The following CDKL5 variants were observed in gnomAD, a reference collection of about 807,000 sequenced individuals.
CDKL5 encodes cyclin dependent kinase like 5.
CDKL5 carries 8 observed loss-of-function variants against 61.7 expected under a neutral mutation model. The ratio of observed to expected loss-of-function variants is 0.13; its 90% confidence interval spans 0.08 to 0.23. The LOEUF (loss-of-function observed/expected upper bound fraction) is 0.23. Among genes scored for constraint, CDKL5 ranks in the 10% least tolerant of loss-of-function variants. The pLI is 1.00. For missense variants in CDKL5, 440 were observed against 734.5 expected (o/e 0.60, Z 4.63); for synonymous variants, 275 against 272.3 (o/e 1.01, Z -0.10).
At chrX:18,610,966 A>T (rs1191770839) in intron 14 of CDKL5, among the ~76,000 whole-genome samples, 1 of 112,216 alleles carries the variant, frequency 8.9e-6, no homozygotes, top group Non-Finnish European at 1.9e-5. Context: ...CTGCTTAGTC[A>T]TTTTAATTAG....
At chrX:18,469,648 C>CAA (rs200046858) in intron 1 of CDKL5, among the ~76,000 whole-genome samples, 117 of 61,604 alleles carry the variant, frequency 1.9e-3, no homozygotes, top group African/African-American at 6.3e-3. Flanking sequence ...AACTCTGTCT[C>CAA]AAAAAAAAAA....
intron 11 of CDKL5, among the ~76,000 whole-genome samples, chrX:18,600,431 A>G (rs1406411751): frequency 9.0e-6 from 1 of 111,297 alleles, no homozygotes; most frequent in African/African-American, 3.3e-5. Flanking sequence ...CTTTGGGGTT[A>G]CTCTCAGTTC....
chrX:18,513,334 G>T (rs1457036024), intron 3 of CDKL5, among the ~76,000 whole-genome samples: 1 of 111,751 alleles, frequency 8.9e-6, no homozygotes, highest in African/African-American at 3.2e-5. Context: ...GATGAGAATG[G>T]ACATCTCTAC....
rs747815227 is a variant in CDKL5 at position 18,621,147 on chromosome X, G to A, written c.2376+1181G>A. Among the ~76,000 whole-genome samples, 151 of 112,139 alleles carry A rather than the reference G, an allele frequency of 1.3e-3. 2 individuals are homozygous for A. The Admixed American group carries it at 0.014, about 10-fold the overall frequency. ...ATGGCCTGTTCAGATGGACTTCACT[G>A]ATTTCATCTATAAGTTTAGTAGATT... On this transcript the variant is annotated intron_variant, in intron 16 of 17. Transcript: ENST00000623535.
chrX:18,626,664 CT>C (rs1927055425), intron 17 of CDKL5: 1 of 10,630 alleles, frequency 9.4e-5, no homozygotes, highest in African/African-American at 3.5e-4. Context: ...AAGAAGCCCT[CT>C]CTCTCTCTCT....
At chrX:18,544,348 A>G (rs1347206632) in intron 3 of CDKL5, among the ~76,000 whole-genome samples, 3 of 112,726 alleles carry the variant, frequency 2.7e-5, no homozygotes, top group African/African-American at 9.7e-5. Context: ...AATGCCCAAA[A>G]GTAGAACATT....
intron 1 of CDKL5, among the ~76,000 whole-genome samples, chrX:18,431,061 A>G (rs1931473933): frequency 9.2e-6 from 1 of 108,132 alleles, no homozygotes; most frequent in African/African-American, 3.4e-5. Context: ...ACGGGGTTTC[A>G]CCATGTTGGC....
intron 1 of CDKL5, among the ~76,000 whole-genome samples, chrX:18,503,654 G>C (rs893990834): frequency 8.9e-6 from 1 of 112,098 alleles, no homozygotes; most frequent in Non-Finnish European, 1.9e-5. Flanking sequence ...TGCAAATTCT[G>C]TTTTCGTTTC....
chrX:18,529,381 A>G (rs1923563160), intron 3 of CDKL5, among the ~76,000 whole-genome samples: 1 of 110,828 alleles, frequency 9.0e-6, no homozygotes. Context: ...CTCAGTCAAT[A>G]ATAGTTACTA....
rs1014141972 is a variant in CDKL5, at chrX:18,629,146, G to A, written c.*389G>A. ...GGATAGGAAAGTCGTGTTGACCGAT[G>A]CCCTTACTACATATTTTTTTCTGCC... On this transcript the variant is annotated 3_prime_UTR_variant, in exon 18 of 18. Transcript: ENST00000623535. The A allele has an allele frequency of 1.3e-6, 1 of 771,789 alleles. No homozygotes were observed. The allele number at this position is 771,789 out of a possible 1,213,427, so 63.6% of individuals were successfully genotyped here.
chrX:18,519,897 G>A (rs916553803), intron 3 of CDKL5, among the ~76,000 whole-genome samples: 10 of 111,922 alleles, frequency 8.9e-5, no homozygotes, highest in Non-Finnish European at 1.1e-4. Context: ...TCTTCCAGGC[G>A]TTGTGCTAGC....
intron 3 of CDKL5, among the ~76,000 whole-genome samples, chrX:18,555,136 G>A (rs1480987219): frequency 9.0e-6 from 1 of 110,657 alleles, no homozygotes; most frequent in Non-Finnish European, 1.9e-5. Flanking sequence ...TTGGGGCTAG[G>A]ACTGTTGTAG....
Position 18,630,878 on chromosome X carries a change from A to C in CDKL5, c.*2121A>C. 1 of 750,341 alleles carries C rather than the reference A, an allele frequency of 1.3e-6. No individual in the cohort carries two copies. Among genetic ancestry groups the C allele is most frequent in the Non-Finnish European group, 1.6e-6 (1 of 638,237 alleles). The allele number at this position is 750,341 out of a possible 1,213,427, so 61.8% of individuals were successfully genotyped here. On this transcript the variant is annotated 3_prime_UTR_variant, in exon 18 of 18. Transcript: ENST00000623535. Reference sequence around the variant, plus strand: ...CTGCTTGATGATACAAATGAGGTGGACCATCAGCAGTTTTGCCTGGACACT... The same window carrying C: ...CTGCTTGATGATACAAATGAGGTGGCCCATCAGCAGTTTTGCCTGGACACT...
At chrX:18,541,678 G>A (rs1924029196) in intron 3 of CDKL5, among the ~76,000 whole-genome samples, 4 of 110,384 alleles carry the variant, frequency 3.6e-5, no homozygotes, top group Admixed American at 1.9e-4. Flanking sequence ...CCACAGACGC[G>A]CCCAGCTAAT....
intron 3 of CDKL5, among the ~76,000 whole-genome samples, chrX:18,550,822 C>T (rs900066525): frequency 1.8e-5 from 2 of 112,550 alleles, no homozygotes; most frequent in Non-Finnish European, 3.8e-5. Context: ...GCAGTATAGA[C>T]GTGATGGTTA....
At chrX:18,554,361 GA>G (rs1293082130) in intron 3 of CDKL5, among the ~76,000 whole-genome samples, 99 of 91,601 alleles carry the variant, frequency 1.1e-3, no homozygotes, top group East Asian at 3.3e-3. Context: ...AAATTTTTAG[GA>G]AAAAAAAAAA....
chrX:18,583,725 C>A (rs1925554486), intron 7 of CDKL5, among the ~76,000 whole-genome samples: 1 of 111,352 alleles, frequency 9.0e-6, no homozygotes, highest in South Asian at 3.8e-4. Flanking sequence ...AACTAAGATA[C>A]CCCTAATATT....
chrX:18,541,778 C>G (rs921704132), intron 3 of CDKL5, among the ~76,000 whole-genome samples: 70 of 111,920 alleles, frequency 6.3e-4, no homozygotes, highest in African/African-American at 2.2e-3. Context: ...TCTTGCCTTC[C>G]CAAAGTGCTG....
intron 3 of CDKL5, among the ~76,000 whole-genome samples, chrX:18,561,367 A>G (rs897417177): frequency 2.7e-5 from 3 of 110,881 alleles, no homozygotes; most frequent in African/African-American, 9.9e-5. Context: ...ATGCAAATCA[A>G]TCACTCAAAT....
Sources: gnomAD v4.1 joint callset for allele counts (sites outside exome capture counted in the v4.1 genomes callset) on GRCh38, gnomAD v4.1.1 for gene constraint, MANE v1.5 for transcripts, NCBI Gene and HGNC (gene_info 2026-07-23, HGNC 2026-07-21) for gene names.